The following NEGR1 variants were observed in gnomAD, a reference collection of about 807,000 sequenced individuals.
The protein encoded by NEGR1 is neuronal growth regulator 1.
A neutral mutation model predicts 40.9 loss-of-function variants in NEGR1; 10 were observed. The observed-to-expected ratio is 0.24, with a 90% confidence interval of 0.15 to 0.42. The LOEUF (loss-of-function observed/expected upper bound fraction) is 0.42. Among genes scored for constraint, NEGR1 ranks in the 10% least tolerant of loss-of-function variants. The pLI, the probability that NEGR1 is intolerant of heterozygous loss-of-function variation, is 1.00. For synonymous variants in NEGR1, 185 were observed against 166.8 expected (o/e 1.11, Z -0.84); for missense variants, 352 against 438.9 (o/e 0.80, Z 1.77).
At chr1:71,993,771 G>A (rs920855988) in intron 1 of NEGR1, among the ~76,000 whole-genome samples, 5 of 152,120 alleles carry the variant, frequency 3.3e-5, no homozygotes, top group African/African-American at 1.2e-4. Flanking sequence ...AAAGAATAAA[G>A]AATTCCCTCC....
chr1:72,021,080 G>T (rs1488282417), intron 1 of NEGR1, among the ~76,000 whole-genome samples: 1 of 152,022 alleles, frequency 6.6e-6, no homozygotes, highest in Middle Eastern at 3.2e-3. Context: ...ATTTCATAAT[G>T]ACCACATTCT....
intron 1 of NEGR1, among the ~76,000 whole-genome samples, chr1:71,959,017 A>G (rs1231589538): frequency 6.6e-6 from 1 of 151,782 alleles, no homozygotes; most frequent in Non-Finnish European, 1.5e-5. Flanking sequence ...GGTATCTTCC[A>G]TAATCTCTCC....
At chr1:72,011,383 T>C (rs1355109510) in intron 1 of NEGR1, among the ~76,000 whole-genome samples, 1 of 152,164 alleles carries the variant, frequency 6.6e-6, no homozygotes, top group Non-Finnish European at 1.5e-5. Context: ...AATCTCTCAA[T>C]GTTATATAAT....
At chr1:71,564,801 T>C (rs866024973) in intron 6 of NEGR1, among the ~76,000 whole-genome samples, 11 of 152,052 alleles carry the variant, frequency 7.2e-5, no homozygotes, top group Non-Finnish European at 7.4e-5. Context: ...ACAGATCATA[T>C]AATCATTGAC....
intron 6 of NEGR1, among the ~76,000 whole-genome samples, chr1:71,419,124 G>A (rs569869892): frequency 1.3e-5 from 2 of 152,046 alleles, no homozygotes; most frequent in Non-Finnish European, 2.9e-5. Context: ...GTGTATTATT[G>A]GACTGGCTTT....
At chr1:71,912,816 A>G (rs1484429851) in intron 2 of NEGR1, among the ~76,000 whole-genome samples, 5 of 151,970 alleles carry the variant, frequency 3.3e-5, no homozygotes, top group South Asian at 2.1e-4. Context: ...ATGTGTGTGT[A>G]TATATATATA....
chr1:71,917,637 G>T (rs191905929), intron 2 of NEGR1, among the ~76,000 whole-genome samples: 1 of 151,706 alleles, frequency 6.6e-6, no homozygotes, highest in Admixed American at 6.6e-5. Flanking sequence ...AATTAGCCGG[G>T]CCTGGTGGCG....
At chr1:71,938,268 T>G (rs561583545) in intron 1 of NEGR1, among the ~76,000 whole-genome samples, 163 of 152,198 alleles carry the variant, frequency 1.1e-3, no homozygotes, top group Non-Finnish European at 2.2e-3. Flanking sequence ...GAATAGCAAG[T>G]CTACGTAGAC....
intron 2 of NEGR1, among the ~76,000 whole-genome samples, chr1:71,918,726 T>C (rs1430659842): frequency 1.3e-5 from 2 of 152,052 alleles, no homozygotes; most frequent in Non-Finnish European, 2.9e-5. Context: ...AAAAATGAGT[T>C]TTCTTCTTTG....
intron 6 of NEGR1, among the ~76,000 whole-genome samples, chr1:71,427,952 A>T (rs960200886): frequency 9.9e-5 from 15 of 152,042 alleles, no homozygotes; most frequent in Admixed American, 9.2e-4. Flanking sequence ...GCTCAAAGGG[A>T]GCTATGCACC....
rs1651426326 is a variant in NEGR1, at chr1:71,643,526, T to C, written c.668-32380A>G. Among the ~76,000 whole-genome samples, 8 of 152,022 alleles carry C rather than the reference T, an allele frequency of 5.3e-5. No homozygotes were observed. In the South Asian group the frequency reaches 1.7e-3, roughly 31 times the overall value. ...GAAATACATATATCAGCCTTTTATG[T>C]TGACTCTGTGTTTCCAAGACCCACT... is the stretch of plus-strand genomic sequence containing the variant. On this transcript the variant is annotated intron_variant, in intron 4 of 6. Transcript: ENST00000357731.
chr1:72,234,293 T>A (rs1654477276), intron 1 of NEGR1, among the ~76,000 whole-genome samples: 1 of 152,126 alleles, frequency 6.6e-6, no homozygotes, highest in African/African-American at 2.4e-5. Flanking sequence ...GCTCCATCCA[T>A]GTTCCTGCAA....
chr1:71,672,644 A>C (rs1391388724), intron 4 of NEGR1, among the ~76,000 whole-genome samples: 4 of 152,194 alleles, frequency 2.6e-5, no homozygotes, highest in African/African-American at 4.8e-5. Context: ...CAATAAAGGG[A>C]AACAGTGCTC....
intron 6 of NEGR1, among the ~76,000 whole-genome samples, chr1:71,581,233 A>G (rs1391081427): frequency 3.9e-5 from 6 of 152,168 alleles, no homozygotes; most frequent in African/African-American, 1.4e-4. Flanking sequence ...GAATGTTTAT[A>G]CCATGGAAAC....
chr1:72,196,467 A>G (rs1390539277), intron 1 of NEGR1, among the ~76,000 whole-genome samples: 1 of 152,104 alleles, frequency 6.6e-6, no homozygotes, highest in African/African-American at 2.4e-5. Context: ...ATGCAATTTT[A>G]TACTTAGAAA....
chr1:71,898,890 A>AT (rs1454471503), intron 2 of NEGR1, among the ~76,000 whole-genome samples: 2 of 136,102 alleles, frequency 1.5e-5, no homozygotes, highest in African/African-American at 5.8e-5. Flanking sequence ...AAATATATAT[A>AT]TATTGCAAAT....
At chr1:71,721,932 A>G (rs978048616) in intron 3 of NEGR1, among the ~76,000 whole-genome samples, 16 of 152,126 alleles carry the variant, frequency 1.1e-4, no homozygotes, top group African/African-American at 3.9e-4. Flanking sequence ...CCAAGGCAGA[A>G]TAAGAATAAA....
chr1:71,868,321 C>A (rs1029795445), intron 2 of NEGR1, among the ~76,000 whole-genome samples: 4 of 152,046 alleles, frequency 2.6e-5, no homozygotes, highest in African/African-American at 9.7e-5. Context: ...AAATCAATTT[C>A]CTTTTAAGTG....
At chr1:71,479,276 C>T (rs1036869281) in intron 6 of NEGR1, among the ~76,000 whole-genome samples, 4 of 151,928 alleles carry the variant, frequency 2.6e-5, no homozygotes, top group Non-Finnish European at 4.4e-5. Flanking sequence ...GGCCTGGATT[C>T]GTTTCCTACT....
Sources: gnomAD v4.1 joint callset for allele counts (sites outside exome capture counted in the v4.1 genomes callset) on GRCh38, gnomAD v4.1.1 for gene constraint, MANE v1.5 for transcripts, NCBI Gene and HGNC (gene_info 2026-07-23, HGNC 2026-07-21) for gene names.